LRRC37A2: variants seen among roughly 807,000 people sequenced by gnomAD.
The protein encoded by LRRC37A2 is leucine rich repeat containing 37 member A2.
LRRC37A2 carries 9 observed loss-of-function variants against 68.8 expected under a neutral mutation model. The observed-to-expected ratio is 0.13, with a 90% CI of 0.08 to 0.23. The LOEUF is 0.23. Among genes scored for constraint, LRRC37A2 ranks in the 10% least tolerant of loss-of-function variants. LRRC37A2 has a pLI of 1.00. For synonymous variants in LRRC37A2, 63 were observed against 367.6 expected (o/e 0.17, Z 9.48); for missense variants, 168 against 950.4 (o/e 0.18, Z 10.82).
At chr17:46,741,011 T>TTG in the LRRC37A2 span, among the ~76,000 whole-genome samples, 1 of 152,184 alleles carries the variant, frequency 6.6e-6, no homozygotes, top group Non-Finnish European at 1.5e-5. Flanking sequence ...AGATCAGCCA[T>TTG]TGCTGATATG....
At chr17:46,833,078 C>T in the LRRC37A2 span, 1 of 354,608 alleles carries the variant, frequency 2.8e-6, no homozygotes. Context: ...GAGTCCACCA[C>T]ACAGCCAGGA....
the LRRC37A2 span, chr17:46,930,565 A>G: frequency 1.3e-5 from 2 of 154,320 alleles, no homozygotes; most frequent in African/African-American, 2.4e-5. Context: ...CAGCCCACCC[A>G]TTCTTACAGA....
the LRRC37A2 span, among the ~76,000 whole-genome samples, chr17:46,988,244 T>G: frequency 6.6e-6 from 1 of 152,202 alleles, no homozygotes; most frequent in African/African-American, 2.4e-5. Flanking sequence ...TAACATATAC[T>G]GTATGATTCC....
the LRRC37A2 span, among the ~76,000 whole-genome samples, chr17:46,784,991 A>C: frequency 4.0e-5 from 6 of 151,860 alleles, no homozygotes; most frequent in African/African-American, 7.3e-5. Context: ...GTTAGCCAGG[A>C]TGGTCTCGAT....
the LRRC37A2 span, among the ~76,000 whole-genome samples, chr17:46,394,844 CAT>C: frequency 1.1e-4 from 2 of 17,572 alleles, no homozygotes; most frequent in Admixed American, 4.4e-4. Context: ...CATACATTAA[CAT>C]GTGGCATTAT....
chr17:46,785,606 T>C, the LRRC37A2 span, among the ~76,000 whole-genome samples: 1 of 152,210 alleles, frequency 6.6e-6, no homozygotes, highest in African/African-American at 2.4e-5. Context: ...CTTCTGAAGG[T>C]TCCCTTTCAG....
At chr17:46,928,387 C>T in the LRRC37A2 span, among the ~76,000 whole-genome samples, 6 of 152,148 alleles carry the variant, frequency 3.9e-5, no homozygotes, top group Non-Finnish European at 5.9e-5. Context: ...TTTCCTCCAG[C>T]GTTGGGGATG....
the LRRC37A2 span, among the ~76,000 whole-genome samples, chr17:46,954,624 C>T: frequency 2.6e-5 from 4 of 152,158 alleles, 1 homozygote; most frequent in South Asian, 8.3e-4. Context: ...GTCAGTATGG[C>T]CAGTTTCATG....
chr17:46,875,508 T>C, the LRRC37A2 span: 1 of 1,194,512 alleles, frequency 8.4e-7, no homozygotes. Context: ...ACTTCACGTC[T>C]TCAACCAGCA....
chr17:46,797,605 A>C, the LRRC37A2 span, among the ~76,000 whole-genome samples: 1 of 152,238 alleles, frequency 6.6e-6, no homozygotes, highest in South Asian at 2.1e-4. Context: ...TGTAAAGCTC[A>C]ACATTCACAC....
At chr17:46,718,520 T>C in the LRRC37A2 span, among the ~76,000 whole-genome samples, 3 of 152,190 alleles carry the variant, frequency 2.0e-5, no homozygotes, top group Admixed American at 2.0e-4. Context: ...TATGTAGCCA[T>C]AACTAAAAAT....
chr17:46,884,996 C>CT, the LRRC37A2 span: 3,300 of 360,814 alleles, frequency 9.1e-3, no homozygotes, highest in East Asian at 0.013. Flanking sequence ...ATTTCCTTAG[C>CT]TTTTTTTTTT....
At chr17:46,837,090 T>C in the LRRC37A2 span, among the ~76,000 whole-genome samples, 1 of 152,044 alleles carries the variant, frequency 6.6e-6, no homozygotes, top group Non-Finnish European at 1.5e-5. Flanking sequence ...CTACAGGCAC[T>C]CGCCACCATG....
the LRRC37A2 span, among the ~76,000 whole-genome samples, chr17:46,783,052 G>A: frequency 6.6e-6 from 1 of 152,086 alleles, no homozygotes; most frequent in Admixed American, 6.5e-5. Flanking sequence ...GCCATTAGGG[G>A]CTAGTTCATT....
chr17:46,847,967 AGTGT>A, the LRRC37A2 span, among the ~76,000 whole-genome samples: 8,219 of 149,660 alleles, frequency 0.055, 399 homozygotes, highest in East Asian at 0.24. Flanking sequence ...TGATTTCCAA[AGTGT>A]GTGTGTGTGT....
At chr17:46,868,264 A>T in the LRRC37A2 span, among the ~76,000 whole-genome samples, 4 of 152,208 alleles carry the variant, frequency 2.6e-5, no homozygotes, top group African/African-American at 9.6e-5. Context: ...ATCTGATAGC[A>T]TCTCATTGGC....
the LRRC37A2 span, chr17:46,773,650 T>A: frequency 1.1e-5 from 3 of 273,712 alleles, no homozygotes; most frequent in Non-Finnish European, 1.7e-5. Context: ...TCCCCCCCCC[T>A]CAGCCCCAAG....
At chr17:46,769,394 T>C in the LRRC37A2 span, among the ~76,000 whole-genome samples, 1 of 151,448 alleles carries the variant, frequency 6.6e-6, no homozygotes, top group Non-Finnish European at 1.5e-5. Context: ...AAACTGAGGC[T>C]GGGAACTTAA....
the LRRC37A2 span, among the ~76,000 whole-genome samples, chr17:46,817,989 C>T: frequency 6.6e-6 from 1 of 152,068 alleles, no homozygotes; most frequent in Non-Finnish European, 1.5e-5. Context: ...CACCCACTCC[C>T]CTGCCCCGGG....
Sources: gnomAD v4.1 joint callset for allele counts (sites outside exome capture counted in the v4.1 genomes callset) on GRCh38, gnomAD v4.1.1 for gene constraint, MANE v1.5 for transcripts, NCBI Gene and HGNC (gene_info 2026-07-23, HGNC 2026-07-21) for gene names.